The following PAX5 variants were observed in gnomAD, a reference collection of about 807,000 sequenced individuals.
The protein encoded by PAX5 is paired box 5, also known as paired box protein Pax-5.
PAX5 carries 9 observed loss-of-function variants against 43.7 expected under a neutral mutation model. The observed-to-expected ratio is 0.21, with a 90% CI of 0.12 to 0.36. The LOEUF (loss-of-function observed/expected upper bound fraction) is 0.36. Among genes scored for constraint, PAX5 ranks in the 10% least tolerant of loss-of-function variants. The pLI is 1.00. For synonymous variants in PAX5, 228 were observed against 214.3 expected (o/e 1.06, Z -0.56); for missense variants, 383 against 532.7 (o/e 0.72, Z 2.77).
chr9:36,980,712 G>A (rs1162688700), intron 5 of PAX5, among the ~76,000 whole-genome samples: 2 of 152,164 alleles, frequency 1.3e-5, no homozygotes, highest in Non-Finnish European at 1.5e-5. Flanking sequence ...CCCTCAGCCA[G>A]GACAGAGCTA....
chr9:36,864,650 C>G (rs562288114), intron 8 of PAX5, among the ~76,000 whole-genome samples: 15 of 152,356 alleles, frequency 9.8e-5, no homozygotes, highest in Admixed American at 7.8e-4. Context: ...AGCCTCCCCC[C>G]TCAGCCCACC....
intron 9 of PAX5, among the ~76,000 whole-genome samples, chr9:36,844,554 T>C (rs558266038): frequency 3.2e-4 from 48 of 152,282 alleles, no homozygotes; most frequent in African/African-American, 1.1e-3. Flanking sequence ...TTCCTTTTCC[T>C]CCTCTCCATG....
chr9:36,843,093 CGTGTGTGTGTGTGA>C (rs1822226966), intron 9 of PAX5, among the ~76,000 whole-genome samples: 1 of 149,102 alleles, frequency 6.7e-6, no homozygotes, highest in South Asian at 2.1e-4. Context: ...TGTGTGTGTG[CGTGTGTGTGTGTGA>C]GTGTATGAGT....
chr9:36,954,883 C>A (rs1379898781), intron 6 of PAX5, among the ~76,000 whole-genome samples: 1 of 152,066 alleles, frequency 6.6e-6, no homozygotes, highest in East Asian at 1.9e-4. Context: ...TTATCTCTTA[C>A]CTTTTTCTTT....
intron 5 of PAX5, among the ~76,000 whole-genome samples, chr9:36,975,932 G>A (rs4878671): frequency 0.59 from 89,214 of 152,052 alleles, 28,296 homozygotes; most frequent in East Asian, 0.78. Flanking sequence ...AGATGCTAAT[G>A]AATGTTTGTT....
In PAX5 at chr9:36,919,533, AAAGATACCATT is replaced by A. The variant is rs546942940; in HGVS notation, c.910+3811_910+3821del. ...AACGTTCTGGAAAGAATTCACTATT[AAAGATACCATT>A]AAGAACATTCACAATTTGGCTGGGC... On this transcript the variant is annotated intron_variant, in intron 7 of 9. Transcript: ENST00000358127. 4.3e-4 allele frequency among the ~76,000 whole-genome samples: 66 copies of A among 152,276 alleles called. 1 individual carries two copies. The East Asian group carries it at 0.012, about 28-fold the overall frequency.
At chr9:36,848,231 G>T (rs1390540218) in intron 8 of PAX5, among the ~76,000 whole-genome samples, 1 of 152,062 alleles carries the variant, frequency 6.6e-6, no homozygotes, top group African/African-American at 2.4e-5. Flanking sequence ...CTAGAGGTGG[G>T]CCCCTGGGGA....
At chr9:36,902,661 C>T (rs1303965366) in intron 7 of PAX5, among the ~76,000 whole-genome samples, 2 of 152,192 alleles carry the variant, frequency 1.3e-5, no homozygotes, top group African/African-American at 2.4e-5. Context: ...CACCCTGGCT[C>T]CATGGCCTTA....
chr9:36,902,170 C>A (rs568690173), intron 7 of PAX5, among the ~76,000 whole-genome samples: 1 of 152,124 alleles, frequency 6.6e-6, no homozygotes, highest in African/African-American at 2.4e-5. Flanking sequence ...CTCGGCAAAG[C>A]GGTGGCGGTG....
intron 6 of PAX5, among the ~76,000 whole-genome samples, chr9:36,960,990 CCTCCTCCT>C (rs1157773431): frequency 1.3e-5 from 2 of 152,192 alleles, no homozygotes; most frequent in African/African-American, 4.8e-5. Context: ...TGTCTCCCCA[CCTCCTCCT>C]CTCCTCCTCT....
intron 5 of PAX5, among the ~76,000 whole-genome samples, chr9:36,978,863 C>T (rs1469376062): frequency 6.6e-6 from 1 of 152,184 alleles, no homozygotes; most frequent in Non-Finnish European, 1.5e-5. Flanking sequence ...CAGGCAGCCC[C>T]AGCCAGGAGC....
intron 6 of PAX5, among the ~76,000 whole-genome samples, chr9:36,940,113 C>T (rs938284525): frequency 2.6e-5 from 4 of 152,210 alleles, no homozygotes. Context: ...TGCTCAGCCC[C>T]GGAGATGTTC....
intron 6 of PAX5, among the ~76,000 whole-genome samples, chr9:36,965,792 C>A (rs896939035): frequency 6.6e-6 from 1 of 152,156 alleles, no homozygotes; most frequent in Non-Finnish European, 1.5e-5. Flanking sequence ...TGCAAGGTTA[C>A]CTGTCAAGGC....
At chr9:37,027,730 C>T (rs1048671301) in intron 1 of PAX5, among the ~76,000 whole-genome samples, 1 of 152,242 alleles carries the variant, frequency 6.6e-6, no homozygotes. Flanking sequence ...TCAGCTCCCT[C>T]CGGGCGGGGG....
intron 4 of PAX5, among the ~76,000 whole-genome samples, chr9:37,005,952 C>T (rs1838351683): frequency 6.6e-6 from 1 of 152,142 alleles, no homozygotes; most frequent in Non-Finnish European, 1.5e-5. Context: ...CACTGGAAAC[C>T]CCACTGGCAG....
chr9:37,033,862 G>GCAGTTAGA (rs1251191109), intron 1 of PAX5, 124 bp downstream of exon 1: 1 of 740,926 alleles, frequency 1.3e-6, no homozygotes, highest in Admixed American at 2.3e-5. Context: ...CAAACACGCC[G>GCAGTTAGA]CAGTTAGACA....
chr9:36,940,087 G>A (rs1260390725), intron 6 of PAX5, among the ~76,000 whole-genome samples: 2 of 152,212 alleles, frequency 1.3e-5, no homozygotes, highest in Admixed American at 6.5e-5. Flanking sequence ...TTATCCTGAG[G>A]AGTCTGAGGC....
At chr9:37,030,088 C>G (rs1334710928) in intron 1 of PAX5, among the ~76,000 whole-genome samples, 1 of 152,156 alleles carries the variant, frequency 6.6e-6, no homozygotes, top group Non-Finnish European at 1.5e-5. Flanking sequence ...GCAGGAGTAG[C>G]GCCGATTCTC....
chr9:36,874,902 T>C (rs1825787738), intron 8 of PAX5, among the ~76,000 whole-genome samples: 1 of 152,228 alleles, frequency 6.6e-6, no homozygotes, highest in Non-Finnish European at 1.5e-5. Flanking sequence ...TGCCACTCCA[T>C]ATGTGCCAGT....
Sources: allele counts gnomAD v4.1 joint callset (sites outside exome capture counted in the v4.1 genomes callset), GRCh38; gene constraint gnomAD v4.1.1; transcripts MANE v1.5; gene names NCBI Gene and HGNC (gene_info 2026-07-23, HGNC 2026-07-21).